Variants in F8 observed in about 807,000 individuals in gnomAD.
The protein encoded by F8 is coagulation factor VIII.
Under a neutral mutation model 140.6 loss-of-function variants are expected in F8, and 12 were observed. That is an observed-to-expected ratio of 0.09 (90% CI 0.05 to 0.14). The LOEUF (loss-of-function observed/expected upper bound fraction) is 0.14. Ranked by LOEUF, F8 falls within the 10% of genes least tolerant of loss-of-function variation. F8 has a pLI of 1.00. For missense variants in F8, 1,354 were observed against 1,720.7 expected (o/e 0.79, Z 3.77); for synonymous variants, 585 against 614.6 (o/e 0.95, Z 0.71).
At chrX:154,913,896 G>T (rs1349252121) in intron 14 of F8, among the ~76,000 whole-genome samples, 1 of 112,554 alleles carries the variant, frequency 8.9e-6, no homozygotes, top group African/African-American at 3.2e-5. Flanking sequence ...GAGGACAGTG[G>T]CCCTCTTCTC....
Position 154,860,506 on chromosome X carries a change from C to T in F8, c.6826G>A (p.Val2276Met). The change falls in exon 25 of 26, where the codon GTG (valine) becomes ATG (methionine). Residue 2276 changes from valine to methionine, a missense_variant. Coordinates refer to ENST00000360256, the MANE Select transcript of F8 (RefSeq NM_000132.4). The stretch of plus-strand genomic sequence containing the variant: ...CTGCTGGAGATGAGGAACTCCTTCA[C>T]ATACATGCTGGTAAGCAGAGATTTT... ...GVKSLLTSMYVKEFLISSSQD... is the reference protein window; with the variant it reads ...GVKSLLTSMYMKEFLISSSQD... 1.7e-6 allele frequency: 2 copies of T among 1,211,233 alleles called. No homozygotes were observed. Among genetic ancestry groups the T allele is most frequent in the Non-Finnish European group, 2.2e-6 (2 of 895,077 alleles).
chrX:154,997,676 A>G (rs1557285229), intron 2 of F8, among the ~76,000 whole-genome samples: 1 of 112,269 alleles, frequency 8.9e-6, no homozygotes, highest in Non-Finnish European at 1.9e-5. Flanking sequence ...AGTGTGGCTG[A>G]AGCACAGTGA....
chrX:154,942,201 C>A (rs1416361517), intron 13 of F8, among the ~76,000 whole-genome samples: 1 of 106,741 alleles, frequency 9.4e-6, no homozygotes, highest in African/African-American at 3.4e-5. Context: ...ACACAAAAAA[C>A]CCTTCAAAAA....
intron 1 of F8, among the ~76,000 whole-genome samples, chrX:155,003,539 C>T (rs2050520071): frequency 9.0e-6 from 1 of 111,065 alleles, no homozygotes; most frequent in African/African-American, 3.3e-5. Flanking sequence ...ATGGAAATGC[C>T]AGAAGAAGAA....
intron 14 of F8, among the ~76,000 whole-genome samples, chrX:154,912,760 A>G (rs2073074908): frequency 8.9e-6 from 1 of 112,149 alleles, no homozygotes; most frequent in Non-Finnish European, 1.9e-5. Flanking sequence ...AAGAGGTTTA[A>G]TTGACTTACA....
chrX:154,980,426 T>G (rs1264406977), intron 6 of F8, among the ~76,000 whole-genome samples: 2 of 112,144 alleles, frequency 1.8e-5, no homozygotes, highest in African/African-American at 6.5e-5. Flanking sequence ...TATAAAAGTT[T>G]GTTGAGTTTT....
chrX:154,879,596 T>C (rs186277266), intron 22 of F8, among the ~76,000 whole-genome samples: 3 of 112,350 alleles, frequency 2.7e-5, no homozygotes, highest in Non-Finnish European at 3.8e-5. Context: ...TGTAGCCTAA[T>C]TGTAAGTGTT....
At chrX:154,853,583 A>G (rs1311647680) in intron 25 of F8, among the ~76,000 whole-genome samples, 1 of 111,393 alleles carries the variant, frequency 9.0e-6, no homozygotes, top group South Asian at 3.7e-4. Context: ...GAGTAGGTTG[A>G]GAATGGTTCT....
intron 14 of F8, among the ~76,000 whole-genome samples, chrX:154,908,541 G>A (rs1413128293): frequency 2.7e-5 from 3 of 111,947 alleles, no homozygotes; most frequent in African/African-American, 6.5e-5. Context: ...GGGAATAACC[G>A]ACATTTTCAA....
At chrX:154,940,766 A>C (rs2073257415) in intron 13 of F8, among the ~76,000 whole-genome samples, 1 of 112,123 alleles carries the variant, frequency 8.9e-6, no homozygotes, top group African/African-American at 3.2e-5. Context: ...AGCCAGACAG[A>C]AAGGTCGGGT....
rs190101667 is a variant in F8, at chrX:154,914,564, C to G, written c.5220-7991G>C. Among the ~76,000 whole-genome samples the G allele has an allele frequency of 3.4e-3, 383 of 112,093 alleles. 1 individual carries two copies. Among genetic ancestry groups the G allele is most frequent in the African/African-American group, 0.012 (376 of 30,851 alleles). On this transcript the variant is annotated intron_variant, in intron 14 of 25. Coordinates refer to ENST00000360256, the MANE Select transcript of F8 (RefSeq NM_000132.4). ...TTCAAAGTTCCACAGATCTCTAGGG[C>G]AGGGGCAAAATGCTGCCAATCTCTT...
At chrX:154,840,419 A>C (rs1289453207) in intron 25 of F8, among the ~76,000 whole-genome samples, 1 of 111,662 alleles carries the variant, frequency 9.0e-6, no homozygotes, top group Non-Finnish European at 1.9e-5. Flanking sequence ...AAGATCACCA[A>C]GATCATCTAA....
chrX:154,995,575 A>T (rs928524950), intron 3 of F8, among the ~76,000 whole-genome samples: 1 of 112,318 alleles, frequency 8.9e-6, no homozygotes, highest in Non-Finnish European at 1.9e-5. Context: ...GAGATGAGCC[A>T]CTGCATCAGG....
intron 22 of F8, among the ~76,000 whole-genome samples, chrX:154,875,476 C>T (rs190686891): frequency 8.7e-4 from 97 of 111,906 alleles, no homozygotes; most frequent in Admixed American, 1.6e-3. Flanking sequence ...CAAAATATAT[C>T]AAAACATCAA....
At chrX:154,967,608 GC>G (rs1304188200) in intron 7 of F8, among the ~76,000 whole-genome samples, 2 of 111,715 alleles carry the variant, frequency 1.8e-5, no homozygotes, top group African/African-American at 6.5e-5. Context: ...ATAAGATAAA[GC>G]ATTTTTTTCT....
intron 11 of F8, among the ~76,000 whole-genome samples, chrX:154,954,775 T>A (rs1196228678): frequency 8.9e-6 from 1 of 111,783 alleles, no homozygotes; most frequent in African/African-American, 3.3e-5. Flanking sequence ...ATATTTCAGT[T>A]CTCTTCCCAA....
At chrX:154,910,891 G>A (rs2073063578) in intron 14 of F8, among the ~76,000 whole-genome samples, 1 of 111,074 alleles carries the variant, frequency 9.0e-6, no homozygotes, top group African/African-American at 3.3e-5. Context: ...TCTATTTACT[G>A]AGAAAAGAGA....
intron 3 of F8, among the ~76,000 whole-genome samples, chrX:154,995,454 A>C (rs1314151283): frequency 1.8e-5 from 2 of 112,028 alleles, no homozygotes; most frequent in Non-Finnish European, 3.8e-5. Context: ...GAATAGGTGG[A>C]GAACAGATTT....
At chrX:154,950,798 G>A (rs1467497505) in intron 12 of F8, among the ~76,000 whole-genome samples, 1 of 111,853 alleles carries the variant, frequency 8.9e-6, no homozygotes, top group Admixed American at 9.5e-5. Flanking sequence ...ACCCTCTTCT[G>A]ACCTGTAAAG....
Sources: allele counts gnomAD v4.1 joint callset (sites outside exome capture counted in the v4.1 genomes callset), GRCh38; gene constraint gnomAD v4.1.1; transcripts MANE v1.5; gene names NCBI Gene and HGNC (gene_info 2026-07-23, HGNC 2026-07-21).